The following FAM200B variants were observed in gnomAD, a reference collection of about 807,000 sequenced individuals.
FAM200B encodes protein FAM200B.
Under a neutral mutation model 33.1 loss-of-function variants are expected in FAM200B, and 32 were observed. That is an observed-to-expected ratio of 0.97 (90% CI 0.73 to 1.30). The LOEUF (loss-of-function observed/expected upper bound fraction) is 1.30, where lower values mean the gene tolerates loss of function less well. Among genes scored for constraint, FAM200B ranks in the 50% most tolerant of loss-of-function variants. The probability of loss-of-function intolerance (pLI) is 0.00; values close to 1 mark genes in which losing one functional copy is unlikely to be tolerated. For missense variants in FAM200B, 741 were observed against 754.0 expected (o/e 0.98, Z 0.20); for synonymous variants, 240 against 264.8 (o/e 0.91, Z 0.91).
At chr4:15,679,886 C>T (rs1718147887), upstream of FAM200B, among the ~76,000 whole-genome samples, 1 of 152,124 alleles carries the variant, frequency 6.6e-6, no homozygotes, top group South Asian at 2.1e-4. Flanking sequence ...CCTCTTGGAT[C>T]CAGCAATTCT....
the FAM200B span, among the ~76,000 whole-genome samples, chr4:15,653,823 T>C: frequency 6.6e-6 from 1 of 152,216 alleles, no homozygotes; most frequent in Non-Finnish European, 1.5e-5. Flanking sequence ...CTCAGCTGCA[T>C]ACTGCACTCA....
At chr4:15,639,226 T>A in the FAM200B span, among the ~76,000 whole-genome samples, 2 of 152,186 alleles carry the variant, frequency 1.3e-5, no homozygotes, top group African/African-American at 4.8e-5. Context: ...AGTAAATCAA[T>A]CCAAAACAAT....
intron 1 of FAM200B, among the ~76,000 whole-genome samples, chr4:15,685,451 C>T (rs774974248): frequency 2.0e-5 from 3 of 152,060 alleles, no homozygotes; most frequent in African/African-American, 7.2e-5. Context: ...CGACTTCGGG[C>T]GTAGGGGATA....
rs1338141331 is a variant in FAM200B, at chr4:15,686,901, CTG to C, written c.-75_-74del. 16 of 711,168 alleles carry C rather than the reference CTG, an allele frequency of 2.2e-5. No homozygotes were observed. Among genetic ancestry groups the C allele is most frequent in the East Asian group, 1.8e-4 (6 of 33,500 alleles). The allele number at this position is 711,168 out of a possible 1,614,324, so 44.1% of individuals were successfully genotyped here. On this transcript the variant is annotated 5_prime_UTR_variant, in exon 2 of 2. It introduces an in-frame stop codon into an upstream open reading frame of the 5' UTR. Transcript: ENST00000422728. ...AGTTTTTGAAAAGATGTTATTTAGA[CTG>C]TATATTTTTTTCTTCTTTTTTGAGT...
chr4:15,677,524 A>T (rs1718037589), upstream of FAM200B, among the ~76,000 whole-genome samples: 1 of 152,194 alleles, frequency 6.6e-6, no homozygotes, highest in African/African-American at 2.4e-5. Context: ...ACTATCTCTG[A>T]CAAGGGGAGA....
the FAM200B span, chr4:15,638,435 T>C: frequency 5.2e-6 from 6 of 1,149,806 alleles, no homozygotes; most frequent in Non-Finnish European, 7.1e-6. Context: ...TCAACCAAAA[T>C]CTACAGTTCA....
upstream of FAM200B, among the ~76,000 whole-genome samples, chr4:15,680,887 C>A (rs1285562123): frequency 6.7e-6 from 1 of 148,236 alleles, no homozygotes; most frequent in Non-Finnish European, 1.5e-5. Flanking sequence ...TATGTCAACC[C>A]AAAAAAATAA....
At chr4:15,659,585 A>G in the FAM200B span, 1 of 223,198 alleles carries the variant, frequency 4.5e-6, no homozygotes, top group African/African-American at 2.3e-5. Flanking sequence ...TTTGAAGAGA[A>G]GTTTAGATAA....
the FAM200B span, chr4:15,655,445 G>A: frequency 2.7e-5 from 26 of 970,890 alleles, no homozygotes; most frequent in Non-Finnish European, 2.9e-5. Flanking sequence ...GGGGCGCGCA[G>A]GCCGCCGCCA....
the FAM200B span, chr4:15,638,728 C>T: frequency 7.4e-7 from 1 of 1,358,858 alleles, no homozygotes. Flanking sequence ...AGGAAAGATG[C>T]TTCATTCGTG....
At chr4:15,660,906 A>G in the FAM200B span, among the ~76,000 whole-genome samples, 51 of 152,126 alleles carry the variant, frequency 3.4e-4, no homozygotes, top group Non-Finnish European at 6.8e-4. Flanking sequence ...GCGAAACTCC[A>G]TCTCTACTAA....
chr4:15,682,558 C>G (rs1718411418), intron 1 of FAM200B, among the ~76,000 whole-genome samples: 1 of 152,180 alleles, frequency 6.6e-6, no homozygotes, highest in Non-Finnish European at 1.5e-5. Flanking sequence ...CTTTTTGCAG[C>G]TAGCTTGTTT....
the FAM200B span, among the ~76,000 whole-genome samples, chr4:15,671,688 C>T: frequency 6.6e-6 from 1 of 152,164 alleles, no homozygotes; most frequent in Non-Finnish European, 1.5e-5. Flanking sequence ...TGTATGCTCC[C>T]TTCCCCTACT....
chr4:15,658,056 A>G, the FAM200B span, among the ~76,000 whole-genome samples: 6 of 152,230 alleles, frequency 3.9e-5, no homozygotes, highest in Non-Finnish European at 7.3e-5. Flanking sequence ...ACCTAAAAAT[A>G]TAACTTATTC....
At chr4:15,669,516 AAC>A in the FAM200B span, among the ~76,000 whole-genome samples, 37 of 152,302 alleles carry the variant, frequency 2.4e-4, no homozygotes, top group African/African-American at 7.5e-4. Flanking sequence ...CAGCCTTGGC[AAC>A]AGAGACCTTG....
rs1192940184 is a variant in FAM200B at position 15,687,738 on chromosome 4, T to C, written c.761T>C (p.Leu254Ser). 2 of 1,550,534 alleles carry C rather than the reference T, an allele frequency of 1.3e-6. No homozygotes were observed. The highest frequency in any genetic ancestry group is 1.7e-6 in the Non-Finnish European group (2 of 1,146,442). ...AGATATGCGTGGCAAGATGATTTTT[T>C]GGAGGATTTTTTGTGTTTTTTAAAT... Reference protein sequence around the residue: ...YVRYAWQDDFLEDFLCFLNLT... With the variant: ...YVRYAWQDDFSEDFLCFLNLT... The change falls in exon 2 of 2, where the codon TTG becomes TCG. Residue 254 changes from leucine to serine, a missense_variant. Leu to Ser is a moderately radical substitution (Grantham distance 145, BLOSUM62 -2). Transcript: ENST00000422728.
At chr4:15,658,851 A>C in the FAM200B span, among the ~76,000 whole-genome samples, 1 of 152,188 alleles carries the variant, frequency 6.6e-6, no homozygotes. Context: ...ATTAAATATT[A>C]AGAAAAATTA....
Position 15,687,624 on chromosome 4 carries a change from T to C in FAM200B, c.647T>C (p.Ile216Thr). The change falls in exon 2 of 2, where the codon ATT becomes ACT. Residue 216 changes from isoleucine (I) to threonine (T), a missense_variant. Physicochemically the swap from Ile to Thr is moderately conservative, Grantham distance 89. Transcript: ENST00000422728. ...GCAGAACATTTAGAAACAATGCTTA[T>C]TACTCGTTTACAGTCTGGTATAGAT... is the stretch of plus-strand genomic sequence containing the variant. The part of the protein sequence containing the change: ...TIAEHLETML[I>T]TRLQSGIDFA... 1 of 1,551,150 alleles carries C rather than the reference T, an allele frequency of 6.4e-7. No homozygotes were observed. Among genetic ancestry groups the C allele is most frequent in the South Asian group, 1.2e-5 (1 of 84,040 alleles).
At chr4:15,642,405 T>C in the FAM200B span, among the ~76,000 whole-genome samples, 2 of 151,958 alleles carry the variant, frequency 1.3e-5, no homozygotes, top group Admixed American at 6.6e-5. Flanking sequence ...GCTAATTTTT[T>C]TGGTATTTTT....
Sources: allele counts gnomAD v4.1 joint callset (sites outside exome capture counted in the v4.1 genomes callset), GRCh38; gene constraint gnomAD v4.1.1; transcripts MANE v1.5; gene names NCBI Gene and HGNC (gene_info 2026-07-23, HGNC 2026-07-21).